RPL7A: variants seen among roughly 807,000 people sequenced by gnomAD.
RPL7A encodes the protein large ribosomal subunit protein eL8.
For missense variants in RPL7A, 291 were observed against 338.2 expected (o/e 0.86, Z 1.09); for synonymous variants, 158 against 128.2 (o/e 1.23, Z -1.57).
chr9:133,348,738 T>C, intron 1 of RPL7A, 184 bp from the exon 2 acceptor site: 1 of 902,574 alleles, frequency 1.1e-6, no homozygotes, highest in East Asian at 2.6e-5. Flanking sequence ...GGCTGCATGC[T>C]TGTGCGGCTG....
chr9:133,348,666 GGGCGACGCGAAGAGAGCGT>G lies in RPL7A; in HGVS notation c.4-253_4-235del, dbSNP rs1836286112. The G allele has an allele frequency of 6.4e-5, 44 of 691,596 alleles. 1 individual carries two copies. The South Asian group carries it at 6.4e-4, about 10-fold the overall frequency. The allele number at this position is 691,596 out of a possible 1,614,324, so 42.8% of individuals were successfully genotyped here. A position where few individuals can be genotyped will look rare whatever the true frequency, so the allele number is the denominator to read the frequency against. The stretch of plus-strand genomic sequence containing the variant: ...CATGAGTCCGGGGTGTCTCCTGGGT[GGGCGACGCGAAGAGAGCGT>G]GGTCTCGGGCTTAGCCTTGCTCTGG... On this transcript the variant is annotated intron_variant, in intron 1 of 7. Transcript: ENST00000323345.
At position 133,350,585 on chromosome 9, in the gene RPL7A, G is replaced by A. The variant is rs2129994873; in HGVS notation, c.496-12G>A. 5 of 1,614,006 alleles carry A rather than the reference G, an allele frequency of 3.1e-6. No homozygotes were observed. Among genetic ancestry groups the A allele is most frequent in the Non-Finnish European group, 4.2e-6 (5 of 1,179,892 alleles). Reference sequence around the variant, plus strand: ...GGTCAAAATACAGTCTTCAGCTAATGCTTTCTTCCAGCTGGTTGTCTTCTT... The same window carrying A: ...GGTCAAAATACAGTCTTCAGCTAATACTTTCTTCCAGCTGGTTGTCTTCTT... On this transcript the variant is annotated splice_polypyrimidine_tract_variant and intron_variant, in intron 5 of 7. Transcript: ENST00000323345.
chr9:133,350,599 G>C lies in RPL7A; in HGVS notation c.498G>C (p.Leu166=), dbSNP rs2129994979. The C allele has an allele frequency of 6.2e-7, 1 of 1,613,990 alleles. No individual in the cohort carries two copies. The highest frequency in any genetic ancestry group is 8.5e-7 in the Non-Finnish European group (1 of 1,179,866). ...VIAHDVDPIE[L]VVFLPALCRK... ...CTTCAGCTAATGCTTTCTTCCAGCT[G>C]GTTGTCTTCTTGCCTGCCCTGTGTC... The change falls in exon 6 of 8, where the codon CTG becomes CTC. Residue 166 remains leucine (L), a splice_region_variant and synonymous_variant. Coordinates refer to ENST00000323345, the MANE Select transcript of RPL7A (RefSeq NM_000972.3).
At chr9:133,349,440 G>C (rs1365863571) in intron 2 of RPL7A, 111 bp from the exon 3 acceptor site, 1 of 1,287,602 alleles carries the variant, frequency 7.8e-7, no homozygotes, top group Non-Finnish European at 1.1e-6. Flanking sequence ...AGATGGTGAT[G>C]ACATTTTAAA....
rs2129993185 is a variant in RPL7A, at chr9:133,350,370, A to AG, written c.495+52dup. The AG allele has an allele frequency of 1.9e-6, 3 of 1,599,604 alleles. No individual in the cohort carries two copies. In the East Asian group the frequency reaches 6.7e-5, roughly 36 times the overall value. On this transcript the variant is annotated intron_variant, in intron 5 of 7. Coordinates refer to ENST00000323345, the MANE Select transcript of RPL7A (RefSeq NM_000972.3). Reference sequence around the variant, plus strand: ...CCAAGGGCTTCTGGCAGTACCAGGAAGAGAGAGTAGACCTAATGCCAAGTC... The same window carrying AG: ...CCAAGGGCTTCTGGCAGTACCAGGAAGGAGAGAGTAGACCTAATGCCAAGTC...
chr9:133,350,711 T>C lies in RPL7A; in HGVS notation c.610T>C (p.Phe204Leu), dbSNP rs1231281451. ...VHRKTCTTVA[F>L]TQVNSEDKGA... Reference sequence around the variant, plus strand: ...CAGGAAGACCTGCACCACTGTCGCCTTCACACAGGTGAACTCGTAAGTACA... The same window carrying C: ...CAGGAAGACCTGCACCACTGTCGCCCTCACACAGGTGAACTCGTAAGTACA... Residue 204 changes from phenylalanine (F) to leucine (L), a missense_variant, in exon 6 of 8, where the codon TTC (phenylalanine) becomes CTC (leucine). Physicochemically the swap from Phe to Leu is conservative, Grantham distance 22. Transcript: ENST00000323345. The C allele has an allele frequency of 7.4e-6, 12 of 1,614,042 alleles. No homozygotes were observed. In the East Asian group the frequency reaches 2.7e-4, roughly 36 times the overall value.
rs2129982921 is a variant in RPL7A, at chr9:133,349,048, T to A, written c.124+6T>A. 6.2e-7 allele frequency: 1 copy of A among 1,613,276 alleles called. No individual in the cohort carries two copies. Among genetic ancestry groups the A allele is most frequent in the South Asian group, 1.1e-5 (1 of 91,046 alleles). Reference sequence around the variant, plus strand: ...GCCTAAGAATTTTGGCATTGGTAAGTAACAAACGGCAGAATGAAAACGGTC... The same window carrying A: ...GCCTAAGAATTTTGGCATTGGTAAGAAACAAACGGCAGAATGAAAACGGTC... On this transcript the variant is annotated splice_donor_region_variant and intron_variant, in intron 2 of 7. Transcript: ENST00000323345.
At chr9:133,350,807 G>A in intron 6 of RPL7A, 80 bp downstream of exon 6, 1 of 1,595,074 alleles carries the variant, frequency 6.3e-7, no homozygotes, top group Non-Finnish European at 8.6e-7. Flanking sequence ...TGCCTTAAAG[G>A]CCAATCTTTT....
chr9:133,349,558 C>T lies in RPL7A; in HGVS notation c.132C>T (p.Asp44=). 1 of 1,614,084 alleles carries T rather than the reference C, an allele frequency of 6.2e-7. No individual in the cohort carries two copies. The highest frequency in any genetic ancestry group is 8.5e-7 in the Non-Finnish European group (1 of 1,179,980). Reference sequence around the variant, plus strand: ...TCACCCTTTACTTCTCAGGACAGGACATCCAGCCCAAAAGAGACCTCACCC... The same window carrying T: ...TCACCCTTTACTTCTCAGGACAGGATATCCAGCCCAAAAGAGACCTCACCC... ...KRPKNFGIGQ[D]IQPKRDLTRF... Residue 44 remains aspartate, a synonymous_variant, in exon 3 of 8, where the codon GAC becomes GAT. Transcript: ENST00000323345.
At position 133,351,039 on chromosome 9, in the gene RPL7A, A is replaced by T; in HGVS notation, c.664A>T (p.Ile222Phe). ...CGCTTTGGCTAAGCTGGTGGAAGCT[A>T]TCAGGACCAATTACAATGACAGATA... ...KGALAKLVEA[I>F]RTNYNDRYDE... The change falls in exon 7 of 8, where the codon ATC becomes TTC. Residue 222 changes from isoleucine to phenylalanine, a missense_variant. Physicochemically the swap from Ile to Phe is conservative, Grantham distance 21. Coordinates refer to ENST00000323345, the MANE Select transcript of RPL7A (RefSeq NM_000972.3). The T allele has an allele frequency of 6.2e-7, 1 of 1,614,178 alleles. No homozygotes were observed.
intron 2 of RPL7A, 123 bp downstream of exon 2, chr9:133,349,165 C>T (rs962387899): frequency 1.7e-6 from 2 of 1,169,798 alleles, no homozygotes; most frequent in Non-Finnish European, 2.5e-6. Context: ...TAATTTGTGT[C>T]TCTTAGAGAC....
chr9:133,350,412 T>C lies in RPL7A; in HGVS notation c.495+93T>C, dbSNP rs2129993374. On this transcript the variant is annotated intron_variant, in intron 5 of 7. Transcript: ENST00000323345. ...TGCCAAGTCAGTGATGGGACCGAAG[T>C]GGGTGAGGGCAGTACTGACACAGAT... is the stretch of plus-strand genomic sequence containing the variant. 4 of 1,514,612 alleles carry C rather than the reference T, an allele frequency of 2.6e-6. No homozygotes were observed. The East Asian group carries it at 9.0e-5, about 34-fold the overall frequency. The allele number at this position is 1,514,612 out of a possible 1,614,324, so 93.8% of individuals were successfully genotyped here.
At position 133,348,389 on chromosome 9, in the gene RPL7A, GTGGATTAGAGCCCC is replaced by G. The variant is rs2129978304; in HGVS notation, c.3+144_3+157del. The G allele has an allele frequency of 4.7e-3, 5,537 of 1,177,052 alleles. 57 individuals carry two copies. The highest frequency in any genetic ancestry group is 0.035 in the African/African-American group (2,289 of 66,118). The allele number at this position is 1,177,052 out of a possible 1,614,324, so 72.9% of individuals were successfully genotyped here. On this transcript the variant is annotated intron_variant, in intron 1 of 7. Transcript: ENST00000323345. ...CTCGGTGTGGCACGGAGACACCGAG[GTGGATTAGAGCCCC>G]ACTTGGTGTGGCACGGAGACATTGA...
intron 1 of RPL7A, 35 bp from the exon 2 acceptor site, chr9:133,348,887 G>A (rs1224107875): frequency 6.2e-7 from 1 of 1,613,244 alleles, no homozygotes; most frequent in African/African-American, 1.3e-5. Flanking sequence ...AGCGAGTGGA[G>A]GCGGCGGTTT....
At chr9:133,350,219 C>T in intron 4 of RPL7A, 21 bp from the exon 5 acceptor site, 2 of 1,613,628 alleles carry the variant, frequency 1.2e-6, no homozygotes, top group Non-Finnish European at 1.7e-6. Flanking sequence ...TGAGTGCTCA[C>T]AAAGTGGTTG....
rs2129982070 is a variant in RPL7A at position 133,348,915 on chromosome 9, T to C, written c.4-7T>C. The C allele has an allele frequency of 1.9e-5, 30 of 1,613,640 alleles. No individual in the cohort carries two copies. In the Admixed American group the frequency reaches 5.0e-4, roughly 27 times the overall value. ...GGCGGTTTAACTGACGTTTTCTTTCTGCCCAGCCGAAAGGAAAGAAGGCCA... is the reference window on the plus strand; with the variant it reads ...GGCGGTTTAACTGACGTTTTCTTTCCGCCCAGCCGAAAGGAAAGAAGGCCA... On this transcript the variant is annotated splice_polypyrimidine_tract_variant and splice_region_variant and intron_variant, in intron 1 of 7. Transcript: ENST00000323345.
intron 1 of RPL7A, 199 bp from the exon 2 acceptor site, chr9:133,348,723 C>G (rs2129980343): frequency 3.6e-6 from 3 of 833,138 alleles, no homozygotes; most frequent in South Asian, 2.9e-5. Flanking sequence ...ACTCGGGGTT[C>G]CCGGGGCTGC....
At chr9:133,348,633 AGAG>A in intron 1 of RPL7A, 2 of 648,212 alleles carry the variant, frequency 3.1e-6, no homozygotes, top group Non-Finnish European at 5.7e-6. Context: ...GCCGCGACTC[AGAG>A]GAGTCATGAG....
intron 7 of RPL7A, 37 bp downstream of exon 7, chr9:133,351,108 C>T: frequency 6.3e-7 from 1 of 1,599,368 alleles, no homozygotes; most frequent in Non-Finnish European, 8.6e-7. Context: ...CTGTCATTCA[C>T]AAATCTTTCT....
Sources: gnomAD v4.1 joint callset for allele counts on GRCh38, gnomAD v4.1.1 for gene constraint, MANE v1.5 for transcripts, NCBI Gene and HGNC (gene_info 2026-07-23, HGNC 2026-07-21) for gene names.